RADIL: variants seen among roughly 807,000 people sequenced by gnomAD.
RADIL encodes Rap associating with DIL domain.
A neutral mutation model predicts 97.6 loss-of-function variants in RADIL; 99 were observed. The observed-to-expected ratio is 1.01, with a 90% CI of 0.86 to 1.20. The LOEUF is 1.20. RADIL is among the 50% of genes most tolerant of loss of function. RADIL has a pLI of 0.00. For missense variants in RADIL, 1,765 were observed against 1,498.9 expected, an observed-to-expected ratio of 1.18 and a Z score of -2.93; for synonymous variants, 803 against 691.8, an observed-to-expected ratio of 1.16 and a Z score of -2.52.
intron 2 of RADIL, among the ~76,000 whole-genome samples, chr7:4,850,216 TA>T (rs34276261): frequency 0.045 from 3,971 of 88,042 alleles, 69 homozygotes; most frequent in African/African-American, 0.059. Context: ...ACGATCCCTT[TA>T]AAAAAAAAAA....
intron 9 of RADIL, among the ~76,000 whole-genome samples, chr7:4,810,544 G>T (rs758688084): frequency 6.6e-5 from 10 of 152,324 alleles, no homozygotes; most frequent in Non-Finnish European, 1.3e-4. Flanking sequence ...CATCCCTCAT[G>T]TTGTTGATAA....
At position 4,836,421 on chromosome 7, in the gene RADIL, G is replaced by A. The variant is rs771951998; in HGVS notation, c.720C>T (p.Ala240=). Residue 240 remains alanine, a synonymous_variant, in exon 3 of 15, where the codon GCC becomes GCT. Transcript: ENST00000399583. ...GGGACTGGTACAGCGAGTACCGCAT[G>A]GCGTCGGGGCCGGGCTCCTCGGGGC... ...AQGPEEPGPD[A]MRYSLYQSPH... 6.3e-7 allele frequency: 1 copy of A among 1,586,450 alleles called. No individual in the cohort carries two copies.
Position 4,879,117 on chromosome 7 carries a change from C to G in RADIL, c.-64-914G>C, listed in dbSNP as rs996878884. Among the ~76,000 whole-genome samples the G allele has an allele frequency of 6.6e-6, 1 of 152,350 alleles. No individual in the cohort carries two copies. The highest frequency in any genetic ancestry group is 1.5e-5 in the Non-Finnish European group (1 of 68,030). On this transcript the variant is annotated intron_variant, in intron 1 of 14. Coordinates refer to ENST00000399583, the MANE Select transcript of RADIL (RefSeq NM_018059.5). The surrounding 1 kb of genome is among the most constrained non-coding windows in gnomAD (Gnocchi z 4.1). ...CACGGCGGGCACAAAGGGCCCCTCTCGAGCCGGTGCAGGCATGGCCGGAAT... is the reference window on the plus strand; with the variant it reads ...CACGGCGGGCACAAAGGGCCCCTCTGGAGCCGGTGCAGGCATGGCCGGAAT...
At chr7:4,825,296 C>G (rs193060459) in intron 5 of RADIL, among the ~76,000 whole-genome samples, 24 of 152,090 alleles carry the variant, frequency 1.6e-4, no homozygotes, top group African/African-American at 4.3e-4. Context: ...GTATCTCCTG[C>G]GGGTGGAGGG....
chr7:4,860,665 T>C (rs746913953), intron 2 of RADIL: 4 of 1,614,128 alleles, frequency 2.5e-6, no homozygotes, highest in Non-Finnish European at 3.4e-6. Context: ...TTTCTGTTGA[T>C]GCACTTGCCA....
At chr7:4,808,035 C>A (rs556812761) in intron 9 of RADIL, among the ~76,000 whole-genome samples, 43 of 91,858 alleles carry the variant, frequency 4.7e-4, no homozygotes, top group Middle Eastern at 6.2e-3. Context: ...CATCTTTCTC[C>A]GCTCCTTCCT....
At position 4,836,725 on chromosome 7, in the gene RADIL, G is replaced by A. The variant is rs558093986; in HGVS notation, c.536-120C>T. ...GGCCGAGGTGGGGGGATCGCCTGAG[G>A]TCAGGAGCTCGAGACCAGCCTGGCC... On this transcript the variant is annotated intron_variant, in intron 2 of 14. Transcript: ENST00000399583. 1.2e-4 allele frequency: 167 copies of A among 1,365,380 alleles called. No individual in the cohort carries two copies. In the African/African-American group the frequency reaches 1.9e-3, roughly 15 times the overall value. The allele number at this position is 1,365,380 out of a possible 1,614,324, so 84.6% of individuals were successfully genotyped here.
At chr7:4,871,237 C>T (rs954354280) in intron 2 of RADIL, among the ~76,000 whole-genome samples, 3 of 152,340 alleles carry the variant, frequency 2.0e-5, no homozygotes, top group Non-Finnish European at 4.4e-5. Context: ...AGAGGAAAAG[C>T]AATCCTTTCA....
intron 4 of RADIL, among the ~76,000 whole-genome samples, chr7:4,832,649 G>T (rs1783178064): frequency 6.9e-6 from 1 of 145,352 alleles, no homozygotes; most frequent in South Asian, 2.1e-4. Flanking sequence ...TGAGGCAGGA[G>T]AATCCCTTGA....
At chr7:4,863,749 T>G (rs1413938912) in intron 2 of RADIL, among the ~76,000 whole-genome samples, 1 of 152,238 alleles carries the variant, frequency 6.6e-6, no homozygotes, top group African/African-American at 2.4e-5. Flanking sequence ...TCACTCAATG[T>G]GTCACCCTTT....
intron 2 of RADIL, chr7:4,838,009 G>A (rs1463706421): frequency 7.1e-6 from 7 of 985,236 alleles, no homozygotes; most frequent in South Asian, 9.4e-5. Flanking sequence ...CCTTACCAGC[G>A]CCAGCAGCCC....
chr7:4,850,002 T>C (rs1783668687), intron 2 of RADIL, among the ~76,000 whole-genome samples: 1 of 152,092 alleles, frequency 6.6e-6, no homozygotes, highest in Non-Finnish European at 1.5e-5. Flanking sequence ...TGCAAAATTG[T>C]TCCTAACAAT....
At position 4,834,562 on chromosome 7, in the gene RADIL, C is replaced by A; in HGVS notation, c.1416+45G>T. On this transcript the variant is annotated intron_variant, in intron 4 of 14. Coordinates refer to ENST00000399583, the MANE Select transcript of RADIL (RefSeq NM_018059.5). This position sits in a 1 kb window ranked among gnomAD's most constrained non-coding sequence, Gnocchi z 6.0. ...GGGCCAGCTCCGGGCCCCCTCTTCC[C>A]CCAGACCGGCACAGGACCCAGACCG... The A allele has an allele frequency of 7.7e-7, 1 of 1,303,010 alleles. No individual in the cohort carries two copies. The highest frequency in any genetic ancestry group is 3.2e-5 in the South Asian group (1 of 31,034). 80.7% of individuals were successfully genotyped at this position (1,303,010 alleles called of 1,614,324 possible). A position where few individuals can be genotyped will look rare whatever the true frequency, so the allele number is the denominator to read the frequency against.
At position 4,808,523 on chromosome 7, in the gene RADIL, G is replaced by T. The variant is rs750198203; in HGVS notation, c.2140-2807C>A. The T allele has an allele frequency of 5.3e-6, 5 of 951,444 alleles. No homozygotes were observed. In the African/African-American group the frequency reaches 7.1e-5, roughly 14 times the overall value. 58.9% of individuals were successfully genotyped at this position (951,444 alleles called of 1,614,324 possible). ...GAAATGGTTTTCACGTTTTTAAAGG[G>T]TTTGAGAAAAACAAAACAAAGAAGG... On this transcript the variant is annotated intron_variant, in intron 9 of 14. Coordinates refer to ENST00000399583, the MANE Select transcript of RADIL (RefSeq NM_018059.5).
chr7:4,831,602 A>C (rs1218902039), intron 5 of RADIL, among the ~76,000 whole-genome samples: 1 of 146,470 alleles, frequency 6.8e-6, no homozygotes, highest in African/African-American at 2.5e-5. Context: ...AAAAAAAGCC[A>C]GGCACAGTGG....
chr7:4,825,061 G>C (rs1484500003), intron 5 of RADIL, among the ~76,000 whole-genome samples: 2 of 152,154 alleles, frequency 1.3e-5, no homozygotes, highest in African/African-American at 4.8e-5. Flanking sequence ...AGGCCTGTGT[G>C]GACGGAGGAG....
At chr7:4,830,014 C>T (rs1037489501) in intron 5 of RADIL, among the ~76,000 whole-genome samples, 9 of 152,178 alleles carry the variant, frequency 5.9e-5, no homozygotes, top group South Asian at 2.1e-4. Flanking sequence ...CCTGAGCCCC[C>T]CAGACACACC....
chr7:4,877,696 T>A lies in RADIL; in HGVS notation c.444A>T (p.Lys148Asn). 2 of 1,614,056 alleles carry A rather than the reference T, an allele frequency of 1.2e-6. No individual in the cohort carries two copies. The highest frequency in any genetic ancestry group is 1.7e-6 in the Non-Finnish European group (2 of 1,179,988). ...EKPLLIQELW[K>N]PREGLSRRFE... is the part of the protein sequence containing the mutation. ...ACCTCCGGGATAAACCTTCTCGGGG[T>A]TTCCATAATTCCTGGATCAAGAGGG... Residue 148 changes from lysine to asparagine, a missense_variant, in exon 2 of 15, where the codon AAA becomes AAT. Transcript: ENST00000399583.
rs771644110 is a variant in RADIL at position 4,817,257 on chromosome 7, G to A, written c.1710C>T (p.Cys570=). 7 of 1,612,164 alleles carry A rather than the reference G, an allele frequency of 4.3e-6. No homozygotes were observed. The highest frequency in any genetic ancestry group is 3.3e-5 in the Admixed American group (2 of 59,944). ...CGTGCACCTTGGAGACATAGTAGAC[G>A]CACTGCTGGAAGGCGTACAGCACCA... ...EEVVLYAFQQ[C]VYYVSKSLYI... The change falls in exon 7 of 15, where the codon TGC becomes TGT. Residue 570 remains cysteine (C), a synonymous_variant. Transcript: ENST00000399583. The surrounding 1 kb of genome is among the most constrained non-coding windows in gnomAD (Gnocchi z 8.3).
Sources: allele counts gnomAD v4.1 joint callset (sites outside exome capture counted in the v4.1 genomes callset), GRCh38; gene constraint gnomAD v4.1.1; non-coding constraint Gnocchi (gnomAD v3.1); transcripts MANE v1.5; gene names NCBI Gene and HGNC (gene_info 2026-07-23, HGNC 2026-07-21).